Variants in SUMF1 observed in about 807,000 individuals in gnomAD.
SUMF1 encodes sulfatase modifying factor 1, also known as formylglycine-generating enzyme.
In SUMF1, 48 loss-of-function variants were observed where a neutral mutation model predicts 47.6. The ratio of observed to expected loss-of-function variants is 1.01; its 90% confidence interval spans 0.80 to 1.28. SUMF1 has a LOEUF of 1.28. Ranked by LOEUF, SUMF1 falls within the 50% of genes most tolerant of loss-of-function variation. SUMF1 has a pLI of 0.00. For synonymous variants in SUMF1, 230 were observed against 192.1 expected (o/e 1.20, Z -1.63); for missense variants, 571 against 485.4 (o/e 1.18, Z -1.66).
chr3:4,274,400 T>C (rs950804073), intron 8 of SUMF1, among the ~76,000 whole-genome samples: 1 of 152,188 alleles, frequency 6.6e-6, no homozygotes, highest in African/African-American at 2.4e-5. Flanking sequence ...TTCGGCACTG[T>C]ACTTGTTATA....
At chr3:4,293,111 G>C (rs1452663276) in intron 8 of SUMF1, among the ~76,000 whole-genome samples, 1 of 147,298 alleles carries the variant, frequency 6.8e-6, no homozygotes, top group Non-Finnish European at 1.5e-5. Context: ...TTCAAACTGA[G>C]GGATTAAAGC....
At position 4,076,594 on chromosome 3, in the gene SUMF1, A is replaced by G. The variant is rs971646060; in HGVS notation, c.1015-7849T>C. Among the ~76,000 whole-genome samples, 52 of 152,150 alleles carry G rather than the reference A, an allele frequency of 3.4e-4. 1 individual carries two copies. The highest frequency in any genetic ancestry group is 1.2e-3 in the African/African-American group (48 of 41,394). On this transcript the variant is annotated intron_variant and NMD_transcript_variant, in intron 8 of 12. Coordinates refer to the SUMF1 transcript ENST00000448413. ...GGGAGAAAATTTTTGCAATCTATCC[A>G]TCTGACAAAGCACTAATATCCAGAA...
At chr3:4,096,049 G>A (rs577209326) in intron 8 of SUMF1, among the ~76,000 whole-genome samples, 15 of 152,058 alleles carry the variant, frequency 9.9e-5, no homozygotes, top group Non-Finnish European at 1.9e-4. Flanking sequence ...AGAATTACTA[G>A]GCATAGCCCA....
At chr3:4,038,490 C>G (rs1393555172) in intron 9 of SUMF1, among the ~76,000 whole-genome samples, 1 of 152,086 alleles carries the variant, frequency 6.6e-6, no homozygotes, top group African/African-American at 2.4e-5. Context: ...TTCAGTTGCT[C>G]CCGGGGGATC....
chr3:4,247,941 T>C (rs934988455), intron 8 of SUMF1, among the ~76,000 whole-genome samples: 3 of 152,182 alleles, frequency 2.0e-5, no homozygotes, highest in Non-Finnish European at 4.4e-5. Context: ...AATCCCCTCA[T>C]ACAAAATGGG....
intron 8 of SUMF1, chr3:4,313,657 TG>T (rs1410302692): frequency 6.2e-7 from 1 of 1,613,956 alleles, no homozygotes; most frequent in African/African-American, 1.3e-5. Flanking sequence ...TTCTCTGTAC[TG>T]CCCCGTAGAA....
chr3:4,053,281 T>C lies in SUMF1; in HGVS notation c.1191+15288A>G, dbSNP rs1039813781. 3.3e-5 allele frequency among the ~76,000 whole-genome samples: 5 copies of C among 152,228 alleles called. No homozygotes were observed. In the East Asian group the frequency reaches 7.7e-4, roughly 24 times the overall value. ...TTTATCGATTAAGTTTGCCGTCTTT[T>C]ATGGACATGGTTCGTGGCACCCCAA... On this transcript the variant is annotated intron_variant and NMD_transcript_variant, in intron 9 of 12. Transcript: ENST00000448413.
intron 8 of SUMF1, among the ~76,000 whole-genome samples, chr3:4,315,300 C>T (rs78959458): frequency 0.017 from 2,603 of 152,284 alleles, 38 homozygotes; most frequent in Non-Finnish European, 0.028. Context: ...CTGCTTCAGA[C>T]GCAATATGGA....
chr3:4,397,892 T>A (rs1190570365), intron 7 of SUMF1, among the ~76,000 whole-genome samples: 1 of 152,168 alleles, frequency 6.6e-6, no homozygotes, highest in Non-Finnish European at 1.5e-5. Flanking sequence ...ATAATACTCA[T>A]AATTAACATA....
intron 8 of SUMF1, among the ~76,000 whole-genome samples, chr3:4,116,204 A>G (rs928026106): frequency 2.6e-5 from 4 of 152,110 alleles, no homozygotes; most frequent in Non-Finnish European, 4.4e-5. Flanking sequence ...AAGTTAACGT[A>G]GAAGAGGGAT....
intron 7 of SUMF1, among the ~76,000 whole-genome samples, chr3:4,397,049 T>C (rs1426720689): frequency 2.6e-5 from 4 of 152,254 alleles, no homozygotes; most frequent in Non-Finnish European, 4.4e-5. Flanking sequence ...CCAGATGGAA[T>C]GCAGTAGACT....
intron 8 of SUMF1, among the ~76,000 whole-genome samples, chr3:4,169,470 G>C (rs1390230803): frequency 6.6e-6 from 1 of 152,066 alleles, no homozygotes; most frequent in Non-Finnish European, 1.5e-5. Context: ...ACAAGACAAA[G>C]AACACCAAGG....
chr3:4,068,093 C>T (rs1024359065), intron 9 of SUMF1, among the ~76,000 whole-genome samples: 1 of 152,126 alleles, frequency 6.6e-6, no homozygotes, highest in South Asian at 2.1e-4. Flanking sequence ...CTCTGGGCTT[C>T]CTGCCAGGCA....
rs186264305 is a variant in SUMF1 at position 4,191,100 on chromosome 3, C to G, written c.1015-122355G>C. Among the ~76,000 whole-genome samples, 141 of 152,262 alleles carry G rather than the reference C, an allele frequency of 9.3e-4. 1 individual carries two copies. Among genetic ancestry groups the G allele is most frequent in the Admixed American group, 6.1e-3 (93 of 15,290 alleles). Reference sequence around the variant, plus strand: ...TGAGGAGATGACATCTTAACCAAGTCTGGTAAAGAATCAAGCCTGAACATT... The same window carrying G: ...TGAGGAGATGACATCTTAACCAAGTGTGGTAAAGAATCAAGCCTGAACATT... On this transcript the variant is annotated intron_variant and NMD_transcript_variant, in intron 8 of 12. Coordinates refer to the SUMF1 transcript ENST00000448413.
chr3:4,196,834 T>C (rs528471531), intron 8 of SUMF1, among the ~76,000 whole-genome samples: 11 of 152,270 alleles, frequency 7.2e-5, no homozygotes, highest in African/African-American at 2.4e-4. Context: ...CCAGTGCCAC[T>C]TTTTGCTTCT....
rs374634099 is a variant in SUMF1, at chr3:4,088,898, G to A, written c.1015-20153C>T. Among the ~76,000 whole-genome samples the A allele has an allele frequency of 9.9e-5, 15 of 152,204 alleles. 3 individuals are homozygous for A. Among genetic ancestry groups the A allele is most frequent in the Admixed American group, 6.5e-5 (1 of 15,292 alleles). On this transcript the variant is annotated intron_variant and NMD_transcript_variant, in intron 8 of 12. Coordinates refer to the SUMF1 transcript ENST00000448413. ...CACAGAAAAAATGTGTTGAATGAATGAAAGTGATTAGAATGAATGAATATA... is the reference window on the plus strand; with the variant it reads ...CACAGAAAAAATGTGTTGAATGAATAAAAGTGATTAGAATGAATGAATATA...
chr3:4,162,836 G>C, intron 8 of SUMF1, among the ~76,000 whole-genome samples: 1 of 151,500 alleles, frequency 6.6e-6, no homozygotes, highest in South Asian at 2.1e-4. Flanking sequence ...TAGTTGTTAA[G>C]TTTGGTGTTC....
Position 4,421,927 on chromosome 3 carries a change from A to G in SUMF1, c.520-1781T>C, listed in dbSNP as rs544448004. On this transcript the variant is annotated intron_variant, in intron 3 of 8. Transcript: ENST00000272902. Reference sequence around the variant, plus strand: ...AAGGGAGAATATGTCCCTGCTAACAATTACAGCAATCACTGAAAACACCAA... The same window carrying G: ...AAGGGAGAATATGTCCCTGCTAACAGTTACAGCAATCACTGAAAACACCAA... 2.6e-5 allele frequency among the ~76,000 whole-genome samples: 4 copies of G among 152,362 alleles called. No homozygotes were observed. In the East Asian group the frequency reaches 7.7e-4, roughly 29 times the overall value.
intron 8 of SUMF1, among the ~76,000 whole-genome samples, chr3:4,164,791 A>T (rs994392286): frequency 6.6e-6 from 1 of 152,102 alleles, no homozygotes; most frequent in Non-Finnish European, 1.5e-5. Flanking sequence ...CTTTCTCCTG[A>T]TATCTGTGCC....
Sources: allele counts gnomAD v4.1 joint callset (sites outside exome capture counted in the v4.1 genomes callset), GRCh38; gene constraint gnomAD v4.1.1; transcripts MANE v1.5; gene names NCBI Gene and HGNC (gene_info 2026-07-23, HGNC 2026-07-21).